The following PCDHA1 variants were observed in gnomAD, a reference collection of about 807,000 sequenced individuals.
The protein encoded by PCDHA1 is protocadherin alpha 1, also known as protocadherin alpha-1.
PCDHA1 carries 42 observed loss-of-function variants against 61.3 expected under a neutral mutation model. That is an observed-to-expected ratio of 0.69 (90% CI 0.54 to 0.89). The LOEUF (loss-of-function observed/expected upper bound fraction) is 0.89. PCDHA1 is among the 40% of genes least tolerant of loss of function. PCDHA1 has a pLI of 0.00. For missense variants in PCDHA1, 1,256 were observed against 1,235.3 expected, an observed-to-expected ratio of 1.02 and a Z score of -0.25; for synonymous variants, 610 against 553.8, an observed-to-expected ratio of 1.10 and a Z score of -1.43.
chr5:140,986,280 C>T (rs2097193236), intron 3 of PCDHA1, among the ~76,000 whole-genome samples: 1 of 152,116 alleles, frequency 6.6e-6, no homozygotes, highest in African/African-American at 2.4e-5. Flanking sequence ...TTTCAGCTTC[C>T]CTTGAGACTG....
chr5:140,915,838 A>AG (rs1359061531), intron 1 of PCDHA1, among the ~76,000 whole-genome samples: 1 of 152,154 alleles, frequency 6.6e-6, no homozygotes, highest in Admixed American at 6.5e-5. Flanking sequence ...TAAGATCAGC[A>AG]GGGGGTGACA....
intron 1 of PCDHA1, among the ~76,000 whole-genome samples, chr5:140,952,538 T>C (rs558395294): frequency 6.6e-6 from 1 of 152,256 alleles, no homozygotes; most frequent in South Asian, 2.1e-4. Flanking sequence ...AGACTGGACT[T>C]CTTTGTCCAT....
At chr5:140,959,549 A>G (rs1240469168) in intron 1 of PCDHA1, among the ~76,000 whole-genome samples, 1 of 152,248 alleles carries the variant, frequency 6.6e-6, no homozygotes, top group East Asian at 1.9e-4. Flanking sequence ...TGCTGTATAA[A>G]TAGAATCAGT....
chr5:140,947,249 C>T (rs1178030042), intron 1 of PCDHA1, among the ~76,000 whole-genome samples: 3 of 151,204 alleles, frequency 2.0e-5, no homozygotes, highest in African/African-American at 7.3e-5. Flanking sequence ...TAAGATAATC[C>T]AATGTACCAT....
At chr5:140,905,878 C>T (rs1187937436) in intron 1 of PCDHA1, among the ~76,000 whole-genome samples, 2 of 152,054 alleles carry the variant, frequency 1.3e-5, no homozygotes, top group African/African-American at 2.4e-5. Flanking sequence ...CAAGGCCCAA[C>T]AATAGGCCAT....
chr5:140,847,761 T>G (rs1279113142), intron 1 of PCDHA1: 1 of 149,846 alleles, frequency 6.7e-6, no homozygotes, highest in Non-Finnish European at 1.5e-5. Context: ...CACAAGACCT[T>G]AAAGTCAATT....
At chr5:140,794,620 T>C (rs782193315) in intron 1 of PCDHA1, among the ~76,000 whole-genome samples, 4 of 152,240 alleles carry the variant, frequency 2.6e-5, no homozygotes, top group South Asian at 2.1e-4. Context: ...TAATTTTAAA[T>C]ATTATGTTGT....
chr5:140,857,185 A>T (rs782245615), intron 1 of PCDHA1: 1 of 1,598,506 alleles, frequency 6.3e-7, no homozygotes, highest in South Asian at 1.1e-5. Flanking sequence ...ATGATTCAGG[A>T]GCCAACGGAC....
Position 140,788,202 on chromosome 5 carries a change from G to C in PCDHA1, c.1912G>C (p.Asp638His), listed in dbSNP as rs1761446761. Residue 638 changes from aspartate to histidine, a missense_variant, in exon 1 of 4, where the codon GAC (aspartate) becomes CAC (histidine). Transcript: ENST00000504120. Reference protein sequence around the residue: ...TGEISTTRVLDEADLSRYRLL... With the variant: ...TGEISTTRVLHEADLSRYRLL... ...CGAGATCAGCACGACTCGTGTCCTG[G>C]ACGAGGCTGACTTGTCGCGCTACCG... The C allele has an allele frequency of 6.2e-7, 1 of 1,613,956 alleles. No homozygotes were observed. Among genetic ancestry groups the C allele is most frequent in the Non-Finnish European group, 8.5e-7 (1 of 1,179,946 alleles).
At chr5:140,824,610 G>GTTTTTTTTTTTTTTTTTTTTTTTTTT (rs782443702) in intron 1 of PCDHA1, 1 of 95,104 alleles carries the variant, frequency 1.1e-5, no homozygotes, top group African/African-American at 4.9e-5. Flanking sequence ...GCTAATTAAA[G>GTTTTTTTTTTTTTTTTTTTTTTTTTT]TTTTTTTTTT....
intron 1 of PCDHA1, among the ~76,000 whole-genome samples, chr5:140,921,929 A>C (rs2080500807): frequency 6.6e-6 from 1 of 152,126 alleles, no homozygotes; most frequent in African/African-American, 2.4e-5. Flanking sequence ...CTTATAGTCA[A>C]TATAATTTTA....
At chr5:140,953,218 C>T (rs575250415) in intron 1 of PCDHA1, among the ~76,000 whole-genome samples, 2 of 152,272 alleles carry the variant, frequency 1.3e-5, no homozygotes, top group East Asian at 3.9e-4. Flanking sequence ...ATCTTTCTTG[C>T]TTCTGCTTGG....
At chr5:140,822,417 T>A (rs17844289) in intron 1 of PCDHA1, 15 of 1,614,062 alleles carry the variant, frequency 9.3e-6, no homozygotes, top group Non-Finnish European at 1.3e-5. Context: ...TGATTGCAAC[T>A]GATGGAGGAA....
At chr5:140,911,410 A>G (rs1472938045) in intron 1 of PCDHA1, among the ~76,000 whole-genome samples, 1 of 152,208 alleles carries the variant, frequency 6.6e-6, no homozygotes, top group African/African-American at 2.4e-5. Context: ...AGCCACTGGT[A>G]TGATAAGAAC....
At chr5:140,902,551 C>G (rs1022882687) in intron 1 of PCDHA1, among the ~76,000 whole-genome samples, 1 of 151,956 alleles carries the variant, frequency 6.6e-6, no homozygotes, top group African/African-American at 2.4e-5. Context: ...CTTCTATACC[C>G]AGATTTTTGA....
At chr5:140,868,600 T>C (rs2050538799) in intron 1 of PCDHA1, 1 of 153,224 alleles carries the variant, frequency 6.5e-6, no homozygotes, top group African/African-American at 2.4e-5. Context: ...CCCTAGTTTT[T>C]CATGAGGCCA....
At chr5:140,791,830 G>C (rs529895725) in intron 1 of PCDHA1, among the ~76,000 whole-genome samples, 16 of 151,766 alleles carry the variant, frequency 1.1e-4, no homozygotes, top group African/African-American at 3.6e-4. Context: ...TTTTTCTTCT[G>C]GGGTCTTCTA....
At chr5:140,836,639 G>A in intron 1 of PCDHA1, 1 of 1,613,412 alleles carries the variant, frequency 6.2e-7, no homozygotes. Context: ...CATTCTCCCA[G>A]CAGAGGCGGC....
intron 1 of PCDHA1, chr5:140,877,951 G>A (rs1562741853): frequency 7.4e-7 from 1 of 1,344,742 alleles, no homozygotes; most frequent in Non-Finnish European, 9.7e-7. Context: ...ACTATCGAAT[G>A]TCTCATCTTT....
Sources: gnomAD v4.1 joint callset for allele counts (sites outside exome capture counted in the v4.1 genomes callset) on GRCh38, gnomAD v4.1.1 for gene constraint, MANE v1.5 for transcripts, NCBI Gene and HGNC (gene_info 2026-07-23, HGNC 2026-07-21) for gene names.